PRAMEF26: variants seen among roughly 807,000 people sequenced by gnomAD.
PRAMEF26 encodes PRAME family member 26.
At chr1:13,155,749 A>G (rs1643000327) in intron 1 of PRAMEF26, 135 bp downstream of exon 1, 1 of 100,512 alleles carries the variant, frequency 9.9e-6, no homozygotes, top group Non-Finnish European at 1.8e-5. Flanking sequence ...GAAAACATTC[A>G]AAGCTTCAAA....
intron 3 of PRAMEF26, chr1:13,150,254 G>C (rs1470180003): frequency 4.1e-5 from 8 of 195,102 alleles, no homozygotes; most frequent in Admixed American, 2.9e-4. Context: ...GGGTGACAGA[G>C]AGAGACTCTG....
intron 1 of PRAMEF26, chr1:13,155,159 A>G (rs1488683402): frequency 4.2e-5 from 6 of 143,080 alleles, no homozygotes; most frequent in Non-Finnish European, 9.4e-5. Context: ...TGATTCTCCC[A>G]CACCAGCCAC....
At chr1:13,155,768 A>T (rs1643000533) in intron 1 of PRAMEF26, 116 bp downstream of exon 1, 2 of 103,076 alleles carry the variant, frequency 1.9e-5, no homozygotes, top group South Asian at 6.2e-4. Flanking sequence ...AATTGTTCAT[A>T]TGAAAAAAAA....
chr1:13,155,464 C>G (rs1370230318), intron 1 of PRAMEF26: 1 of 93,208 alleles, frequency 1.1e-5, no homozygotes, highest in Non-Finnish European at 2.1e-5. Context: ...GTAAAGGTTA[C>G]AGTGAGTTGA....
intron 1 of PRAMEF26, chr1:13,155,135 C>A (rs1324223812): frequency 3.6e-5 from 5 of 140,694 alleles, no homozygotes; most frequent in African/African-American, 1.3e-4. Flanking sequence ...CATCCTCAAT[C>A]TTCTGGGCTA....
chr1:13,155,793 G>T lies in PRAMEF26; in HGVS notation c.-17+91C>A, dbSNP rs1368263472. 8.4e-4 allele frequency: 85 copies of T among 101,796 alleles called. 4 individuals are homozygous for T. Among genetic ancestry groups the T allele is most frequent in the African/African-American group, 5.7e-3 (82 of 14,492 alleles). The allele number at this position is 101,796 out of a possible 1,614,324, so 6.3% of individuals were successfully genotyped here. A position where few individuals can be genotyped will look rare whatever the true frequency, so the allele number is the denominator to read the frequency against. On this transcript the variant is annotated intron_variant, in intron 1 of 3. Transcript: ENST00000624207. ...ATGAAAAAAAAAAGGACAGGATATA[G>T]CTCTGTGCCATCGTAGGCTGCACTG...
chr1:13,155,505 C>A (rs1642997776), intron 1 of PRAMEF26: 1 of 83,948 alleles, frequency 1.2e-5, no homozygotes, highest in African/African-American at 7.1e-5. Flanking sequence ...GTCTGGGCAA[C>A]ACAGCGAGAC....
intron 1 of PRAMEF26, chr1:13,155,658 T>G (rs1189305349): frequency 2.3e-5 from 2 of 86,242 alleles, no homozygotes; most frequent in African/African-American, 2.0e-4. Flanking sequence ...CATGAGTCAC[T>G]GCTCCCTTCA....
chr1:13,155,463 A>G (rs1642997378), intron 1 of PRAMEF26: 1 of 95,344 alleles, frequency 1.0e-5, no homozygotes, highest in African/African-American at 5.3e-5. Context: ...GGTAAAGGTT[A>G]CAGTGAGTTG....
intron 1 of PRAMEF26, chr1:13,155,305 G>A (rs1642995478): frequency 7.5e-6 from 1 of 134,074 alleles, no homozygotes; most frequent in African/African-American, 2.8e-5. Flanking sequence ...GATCACTTGA[G>A]GTCAGGCGTT....
At chr1:13,155,806 G>C (rs1311995987) in intron 1 of PRAMEF26, 78 bp downstream of exon 1, 1 of 99,842 alleles carries the variant, frequency 1.0e-5, no homozygotes, top group Non-Finnish European at 1.8e-5. Flanking sequence ...CTGTGCCATC[G>C]TAGGCTGCAC....
chr1:13,155,778 A>G (rs1421430037), intron 1 of PRAMEF26, 106 bp downstream of exon 1: 16 of 103,170 alleles, frequency 1.6e-4, no homozygotes, highest in Admixed American at 7.9e-4. Context: ...ATGAAAAAAA[A>G]AAGGACAGGA....
chr1:13,155,026 A>T (rs1451088655), intron 1 of PRAMEF26: 1 of 89,180 alleles, frequency 1.1e-5, no homozygotes, highest in Non-Finnish European at 2.3e-5. Flanking sequence ...ATTAAGGTCA[A>T]AGATCCTTTT....
intron 3 of PRAMEF26, chr1:13,150,357 TAA>T (rs1361079881): frequency 2.6e-5 from 3 of 116,958 alleles, no homozygotes; most frequent in Non-Finnish European, 5.5e-5. Flanking sequence ...ACAGAATCCC[TAA>T]AGCTCCCTTT....
intron 1 of PRAMEF26, chr1:13,154,743 A>C (rs1332624091): frequency 1.9e-3 from 3 of 1,614 alleles, no homozygotes; most frequent in African/African-American, 0.015. Flanking sequence ...AGTTTTACAA[A>C]GACAGAGATG....
intron 1 of PRAMEF26, 108 bp downstream of exon 1, chr1:13,155,776 A>T: frequency 9.7e-6 from 1 of 103,274 alleles, no homozygotes; most frequent in East Asian, 2.5e-4. Context: ...ATATGAAAAA[A>T]AAAAGGACAG....
chr1:13,155,166 C>T (rs1181499837), intron 1 of PRAMEF26: 18 of 144,302 alleles, frequency 1.2e-4, no homozygotes, highest in South Asian at 4.3e-4. Context: ...CCCACACCAG[C>T]CACCCAAATA....
chr1:13,150,230 C>G (rs1239953490), intron 3 of PRAMEF26: 2 of 187,776 alleles, frequency 1.1e-5, no homozygotes, highest in African/African-American at 4.7e-5. Flanking sequence ...GATCATGCCA[C>G]TACACTCCAG....
At chr1:13,150,218 G>C (rs1396557704) in intron 3 of PRAMEF26, 1 of 190,778 alleles carries the variant, frequency 5.2e-6, no homozygotes, top group Admixed American at 6.1e-5. Context: ...GCAGTGAGCA[G>C]AGATCATGCC....
Sources: allele counts gnomAD v4.1 joint callset, GRCh38; gene constraint gnomAD v4.1.1; transcripts MANE v1.5; gene names NCBI Gene and HGNC (gene_info 2026-07-23, HGNC 2026-07-21).